EHMT1: variants seen among roughly 807,000 people sequenced by gnomAD.
The protein encoded by EHMT1 is euchromatic histone lysine methyltransferase 1.
A neutral mutation model predicts 147.2 loss-of-function variants in EHMT1; 15 were observed. The observed-to-expected ratio is 0.10, with a 90% CI of 0.07 to 0.16. EHMT1 has a LOEUF of 0.16. EHMT1 is among the 10% of genes least tolerant of loss of function. The pLI, the probability that EHMT1 is intolerant of heterozygous loss-of-function variation, is 1.00. For missense variants in EHMT1, 1,587 were observed against 1,772.4 expected (o/e 0.90, Z 1.88); for synonymous variants, 795 against 709.6 (o/e 1.12, Z -1.91).
At chr9:137,799,079 A>C (rs11137235) in intron 17 of EHMT1, among the ~76,000 whole-genome samples, 165 bp downstream of exon 17, 1 of 76,694 alleles carries the variant, frequency 1.3e-5, no homozygotes, top group African/African-American at 5.2e-5. Flanking sequence ...GCCAGCTCGG[A>C]CCCTCCACAG....
intron 1 of EHMT1, chr9:137,638,486 C>G (rs1470658061): frequency 6.6e-6 from 1 of 152,222 alleles, no homozygotes; most frequent in Non-Finnish European, 1.5e-5. Context: ...TTCAAATGAT[C>G]CACCCGCCTT....
intron 10 of EHMT1, among the ~76,000 whole-genome samples, chr9:137,767,415 G>A (rs1950287117): frequency 6.6e-6 from 1 of 152,182 alleles, no homozygotes; most frequent in Non-Finnish European, 1.5e-5. Flanking sequence ...TACAATACAG[G>A]TTGAGTATCA....
Position 137,782,975 on chromosome 9 carries a change from A to G in EHMT1, c.2382+578A>G, listed in dbSNP as rs551009997. On this transcript the variant is annotated intron_variant, in intron 15 of 26. Coordinates refer to ENST00000460843, the MANE Select transcript of EHMT1 (RefSeq NM_024757.5). The surrounding 1 kb of genome is among the most constrained non-coding windows in gnomAD (Gnocchi z 5.7). ...GCCCCTTCCCTGATCCCGGTGTTGG[A>G]TCCCCTGTTTCTCAAGTGCCAGGTT... Among the ~76,000 whole-genome samples, 1 of 152,266 alleles carries G rather than the reference A, an allele frequency of 6.6e-6. No individual in the cohort carries two copies. The highest frequency in any genetic ancestry group is 2.4e-5 in the African/African-American group (1 of 41,534).
intron 3 of EHMT1, among the ~76,000 whole-genome samples, chr9:137,724,021 A>C (rs2135697157): frequency 6.6e-6 from 1 of 152,326 alleles, no homozygotes; most frequent in South Asian, 2.1e-4. Flanking sequence ...AATGCTTGTT[A>C]CTGTGACCTG....
chr9:137,690,054 G>C (rs1942801364), intron 1 of EHMT1, among the ~76,000 whole-genome samples: 1 of 152,150 alleles, frequency 6.6e-6, no homozygotes, highest in Non-Finnish European at 1.5e-5. Flanking sequence ...ACAGAGGACT[G>C]GTGCATGATC....
intron 1 of EHMT1, among the ~76,000 whole-genome samples, chr9:137,668,119 G>A (rs990928773): frequency 2.0e-5 from 3 of 152,178 alleles, no homozygotes; most frequent in African/African-American, 7.2e-5. Context: ...AGGCAGACAA[G>A]TAGGTGAAGG....
Position 137,782,346 on chromosome 9 carries a change from G to A in EHMT1, c.2331G>A (p.Leu777=). 6.2e-7 allele frequency: 1 copy of A among 1,612,954 alleles called. No homozygotes were observed. The highest frequency in any genetic ancestry group is 8.5e-7 in the Non-Finnish European group (1 of 1,179,868). Residue 777 remains leucine, a synonymous_variant, in exon 15 of 27, where the codon CTG becomes CTA. Coordinates refer to ENST00000460843, the MANE Select transcript of EHMT1 (RefSeq NM_024757.5). This position sits in a 1 kb window ranked among gnomAD's most constrained non-coding sequence, Gnocchi z 5.7. ...AGCACCAGAATAAGCGCTCTCCACT[G>A]CACGCCGCGGCAGAGGCTGGACACG... The part of the protein sequence containing the change: ...KMEHQNKRSP[L]HAAAEAGHVD...
intron 6 of EHMT1, 126 bp downstream of exon 6, chr9:137,744,216 A>G (rs1224513305): frequency 7.4e-6 from 7 of 946,406 alleles, no homozygotes; most frequent in Non-Finnish European, 1.1e-5. Flanking sequence ...ATTGGCTTAG[A>G]TTTTTGTATT....
intron 1 of EHMT1, among the ~76,000 whole-genome samples, chr9:137,672,269 G>A (rs1461898266): frequency 2.0e-5 from 3 of 152,212 alleles, no homozygotes; most frequent in South Asian, 4.1e-4. Context: ...TTAACGCGTA[G>A]TAGGTTTATT....
chr9:137,669,317 A>T, intron 1 of EHMT1, among the ~76,000 whole-genome samples: 1 of 144,936 alleles, frequency 6.9e-6, no homozygotes, highest in African/African-American at 2.6e-5. Context: ...ACCCCTGGAA[A>T]GACGCCCCCA....
chr9:137,826,504 G>GT (rs771464880), intron 25 of EHMT1, among the ~76,000 whole-genome samples: 4 of 152,200 alleles, frequency 2.6e-5, no homozygotes, highest in Non-Finnish European at 5.9e-5. Context: ...TGAGGCTGCT[G>GT]TAACAGAACA....
Position 137,694,470 on chromosome 9 carries a change from G to GC in EHMT1, c.22-16495dup, listed in dbSNP as rs550151159. ...GGACTGGAGGAGGCGCACAGCTGAG[G>GC]CCGGCTCCGTGCCCTTCTTCCTGCC... On this transcript the variant is annotated intron_variant, in intron 1 of 26. Transcript: ENST00000460843. Among the ~76,000 whole-genome samples the GC allele has an allele frequency of 1.5e-3, 228 of 152,332 alleles. 1 individual carries two copies. The highest frequency in any genetic ancestry group is 5.2e-3 in the African/African-American group (218 of 41,570).
chr9:137,754,104 T>C (rs1949196706), intron 7 of EHMT1, 67 bp from the exon 8 acceptor site: 1 of 1,611,072 alleles, frequency 6.2e-7, no homozygotes, highest in Non-Finnish European at 8.5e-7. Context: ...AAAACACTTG[T>C]AGTGCTCTTG....
At chr9:137,622,711 C>G (rs1423870514) in intron 1 of EHMT1, among the ~76,000 whole-genome samples, 1 of 152,084 alleles carries the variant, frequency 6.6e-6, no homozygotes, top group African/African-American at 2.4e-5. Context: ...TGAGACTAGC[C>G]TGGGCAACAG....
intron 4 of EHMT1, among the ~76,000 whole-genome samples, chr9:137,733,722 A>G (rs576553373): frequency 3.3e-5 from 5 of 152,328 alleles, no homozygotes; most frequent in African/African-American, 9.6e-5. Flanking sequence ...CGGCCAAGAA[A>G]TCTAAAGGGC....
chr9:137,796,736 A>C (rs113200294), intron 16 of EHMT1, among the ~76,000 whole-genome samples: 2 of 151,358 alleles, frequency 1.3e-5, no homozygotes, highest in South Asian at 4.2e-4. Flanking sequence ...GAAACCACAC[A>C]GAAAAATAGG....
chr9:137,828,126 G>A lies in EHMT1; in HGVS notation c.3541-6223G>A, dbSNP rs930175420. ...GGCAAGGTTGATGGCCCATGGGGGC[G>A]GCCCCTTTGTCTCTTGGGGCTACAG... is the stretch of plus-strand genomic sequence containing the variant. On this transcript the variant is annotated intron_variant, in intron 25 of 26. Coordinates refer to ENST00000460843, the MANE Select transcript of EHMT1 (RefSeq NM_024757.5). The surrounding 1 kb of genome is among the most constrained non-coding windows in gnomAD (Gnocchi z 5.3). Among the ~76,000 whole-genome samples the A allele has an allele frequency of 6.6e-6, 1 of 152,174 alleles. No individual in the cohort carries two copies. Among genetic ancestry groups the A allele is most frequent in the Non-Finnish European group, 1.5e-5 (1 of 68,018 alleles).
At chr9:137,754,128 C>T in intron 7 of EHMT1, 43 bp from the exon 8 acceptor site, 1 of 1,613,606 alleles carries the variant, frequency 6.2e-7, no homozygotes, top group Non-Finnish European at 8.5e-7. Flanking sequence ...TCCGTAGCTT[C>T]CTGTGCTTAG....
intron 1 of EHMT1, among the ~76,000 whole-genome samples, chr9:137,649,940 T>G (rs1845186272): frequency 6.6e-6 from 1 of 152,238 alleles, no homozygotes; most frequent in South Asian, 2.1e-4. Context: ...ACACGGAGTC[T>G]CTGTGTTACT....
Sources: allele counts gnomAD v4.1 joint callset (sites outside exome capture counted in the v4.1 genomes callset), GRCh38; gene constraint gnomAD v4.1.1; non-coding constraint Gnocchi (gnomAD v3.1); transcripts MANE v1.5; gene names NCBI Gene and HGNC (gene_info 2026-07-23, HGNC 2026-07-21).